Variants in ADGRG2 observed in about 807,000 individuals in gnomAD.
The protein encoded by ADGRG2 is G protein-coupled receptor 64.
Under a neutral mutation model 74.1 loss-of-function variants are expected in ADGRG2, and 26 were observed. The observed-to-expected ratio is 0.35, with a 90% CI of 0.26 to 0.49. The LOEUF is 0.49. Among genes scored for constraint, ADGRG2 ranks in the 20% least tolerant of loss-of-function variants. The probability of loss-of-function intolerance (pLI) is 0.99; values close to 1 mark genes in which losing one functional copy is unlikely to be tolerated. For synonymous variants in ADGRG2, 296 were observed against 295.2 expected (o/e 1.00, Z -0.03); for missense variants, 619 against 763.1 (o/e 0.81, Z 2.22).
chrX:19,005,957 C>T (rs1319656268), intron 22 of ADGRG2, 45 bp downstream of exon 22: 19 of 774,358 alleles, frequency 2.5e-5, no homozygotes, highest in Non-Finnish European at 3.8e-5. Context: ...TGCCCAGCTA[C>T]CCCTCAGACT....
At chrX:19,047,603 CTTG>C (rs911721498) in intron 3 of ADGRG2, among the ~76,000 whole-genome samples, 4 of 112,053 alleles carry the variant, frequency 3.6e-5, no homozygotes, top group African/African-American at 1.3e-4. Flanking sequence ...ACTAGCTCTC[CTTG>C]CATGAATATT....
At chrX:19,040,127 A>G in intron 4 of ADGRG2, 62 bp downstream of exon 4, 1 of 769,196 alleles carries the variant, frequency 1.3e-6, no homozygotes, top group Non-Finnish European at 2.0e-6. Flanking sequence ...GCCATGTTTC[A>G]TAGAGAACTT....
intron 4 of ADGRG2, chrX:19,039,160 A>C (rs1419751711): frequency 9.1e-6 from 3 of 328,394 alleles, no homozygotes; most frequent in African/African-American, 2.6e-5. Context: ...ACTAGCCCAA[A>C]ACCACACAGC....
intron 1 of ADGRG2, among the ~76,000 whole-genome samples, chrX:19,107,827 G>A (rs774284076): frequency 7.3e-5 from 8 of 109,549 alleles, no homozygotes; most frequent in Non-Finnish European, 1.3e-4. Flanking sequence ...TAGGCTGGGC[G>A]CGGTGGCTCA....
intron 1 of ADGRG2, among the ~76,000 whole-genome samples, chrX:19,122,080 C>T (rs903380792): frequency 8.9e-6 from 1 of 112,475 alleles, no homozygotes; most frequent in African/African-American, 3.2e-5. Context: ...GCGTCTAGCA[C>T]ACCACCCGCG....
chrX:19,027,085 T>A (rs754771760), intron 11 of ADGRG2, 134 bp downstream of exon 11: 2 of 551,209 alleles, frequency 3.6e-6, no homozygotes, highest in South Asian at 5.0e-5. Flanking sequence ...TGCAAGGAAG[T>A]CAAGAACCAA....
chrX:19,095,278 A>G (rs777043279), intron 1 of ADGRG2, among the ~76,000 whole-genome samples: 6 of 111,089 alleles, frequency 5.4e-5, no homozygotes, highest in Non-Finnish European at 1.1e-4. Context: ...AAAACGGGAG[A>G]CTACATGAGT....
At position 19,069,286 on chromosome X, in the gene ADGRG2, T is replaced by C. The variant is rs748300902; in HGVS notation, c.-1-451A>G. Among the ~76,000 whole-genome samples the C allele has an allele frequency of 2.7e-5, 3 of 111,929 alleles. No individual in the cohort carries two copies. In the South Asian group the frequency reaches 1.1e-3, roughly 43 times the overall value. ...GTTCACAGGTGCGATCATAGTATAC[T>C]GTGGCTTCAAGCAATCCTCCTGCCT... is the stretch of plus-strand genomic sequence containing the variant. On this transcript the variant is annotated intron_variant, in intron 2 of 28. Coordinates refer to ENST00000379869, the MANE Select transcript of ADGRG2 (RefSeq NM_001079858.3).
chrX:19,081,119 C>T (rs749557124), intron 2 of ADGRG2, among the ~76,000 whole-genome samples: 39 of 110,413 alleles, frequency 3.5e-4, no homozygotes, highest in Non-Finnish European at 6.2e-4. Flanking sequence ...TTTAAAACAA[C>T]AAACAAAAGA....
chrX:19,043,023 CCCAG>C (rs2061102696), intron 3 of ADGRG2, among the ~76,000 whole-genome samples: 1 of 109,720 alleles, frequency 9.1e-6, no homozygotes, highest in Non-Finnish European at 1.9e-5. Flanking sequence ...GTTGGACCAG[CCCAG>C]GGCTGGTCTC....
At chrX:19,019,702 C>T in intron 14 of ADGRG2, 37 bp from the exon 15 acceptor site, 1 of 815,841 alleles carries the variant, frequency 1.2e-6, no homozygotes, top group Non-Finnish European at 1.9e-6. Context: ...AAGAAAAATG[C>T]ACGGTCAAGA....
chrX:19,085,726 C>A (rs750572632), intron 1 of ADGRG2, among the ~76,000 whole-genome samples: 1 of 111,572 alleles, frequency 9.0e-6, no homozygotes, highest in East Asian at 2.8e-4. Context: ...AAGGATGAAG[C>A]CAAATTGCTA....
intron 3 of ADGRG2, among the ~76,000 whole-genome samples, chrX:19,057,680 A>G (rs1399531339): frequency 1.8e-5 from 2 of 109,714 alleles, no homozygotes; most frequent in African/African-American, 6.7e-5. Flanking sequence ...TCGCTACTAA[A>G]CATGTTAAAA....
intron 1 of ADGRG2, among the ~76,000 whole-genome samples, chrX:19,087,730 G>A (rs2061955708): frequency 1.8e-5 from 2 of 112,035 alleles, no homozygotes; most frequent in African/African-American, 6.5e-5. Flanking sequence ...GTGGAAGGAA[G>A]CAGCCAGGAG....
chrX:19,083,287 T>A (rs1378068184), intron 1 of ADGRG2, among the ~76,000 whole-genome samples: 1 of 108,811 alleles, frequency 9.2e-6, no homozygotes, highest in Non-Finnish European at 1.9e-5. Flanking sequence ...CCCAAAGTGC[T>A]GGGATTATAG....
chrX:19,045,805 A>G (rs193017901), intron 3 of ADGRG2, among the ~76,000 whole-genome samples: 160 of 111,082 alleles, frequency 1.4e-3, no homozygotes, highest in African/African-American at 5.0e-3. Context: ...CCATCCACCA[A>G]TTGTACACCC....
At chrX:19,029,692 T>TG (rs1175865067) in intron 9 of ADGRG2, among the ~76,000 whole-genome samples, 1 of 107,968 alleles carries the variant, frequency 9.3e-6, no homozygotes, top group African/African-American at 3.4e-5. Context: ...GATGACCAGT[T>TG]TTTTTTTTTT....
At chrX:19,077,514 C>CA (rs78215190) in intron 2 of ADGRG2, among the ~76,000 whole-genome samples, 2,763 of 40,073 alleles carry the variant, frequency 0.069, 63 homozygotes, top group African/African-American at 0.11. Context: ...AACTCTATTT[C>CA]AAAAAAAAAA....
At chrX:19,115,269 C>G (rs1318766440) in intron 1 of ADGRG2, among the ~76,000 whole-genome samples, 1 of 111,435 alleles carries the variant, frequency 9.0e-6, no homozygotes. Flanking sequence ...GCACCTACTA[C>G]GTCCCACTGT....
Sources: gnomAD v4.1 joint callset for allele counts (sites outside exome capture counted in the v4.1 genomes callset) on GRCh38, gnomAD v4.1.1 for gene constraint, MANE v1.5 for transcripts, NCBI Gene and HGNC (gene_info 2026-07-23, HGNC 2026-07-21) for gene names.